The following PCNX1 variants were observed in gnomAD, a reference collection of about 807,000 sequenced individuals.
PCNX1 encodes the protein pecanex-like protein 1.
A neutral mutation model predicts 242.2 loss-of-function variants in PCNX1; 78 were observed. The ratio of observed to expected loss-of-function variants is 0.32; its 90% CI spans 0.27 to 0.39. PCNX1 has a LOEUF of 0.39. Ranked by LOEUF, PCNX1 falls within the 10% of genes least tolerant of loss-of-function variation. The pLI is 1.00. For missense variants in PCNX1, 2,581 were observed against 2,856.5 expected (o/e 0.90, Z 2.20); for synonymous variants, 1,024 against 1,032.9 (o/e 0.99, Z 0.17).
At chr14:70,911,466 T>A (rs1300278291) in intron 1 of PCNX1, among the ~76,000 whole-genome samples, 1 of 152,134 alleles carries the variant, frequency 6.6e-6, no homozygotes, top group African/African-American at 2.4e-5. Flanking sequence ...AAGAAAAAAT[T>A]TTTGTTTCTT....
In PCNX1 at chr14:71,067,505, C is replaced by A. The variant is rs1009416094; in HGVS notation, c.4853-6040C>A. Among the ~76,000 whole-genome samples the A allele has an allele frequency of 5.9e-5, 9 of 152,054 alleles. No homozygotes were observed. In the East Asian group the frequency reaches 1.7e-3, roughly 29 times the overall value. The stretch of plus-strand genomic sequence containing the variant: ...TGTCCATTTGATTCTGCTCTCTTTT[C>A]TTCATTTGTCTGACTATTGTTCTAT... On this transcript the variant is annotated intron_variant, in intron 26 of 35. Transcript: ENST00000304743.
intron 26 of PCNX1, among the ~76,000 whole-genome samples, chr14:71,067,451 G>A (rs755829507): frequency 3.9e-5 from 6 of 151,934 alleles, no homozygotes; most frequent in East Asian, 1.9e-4. Flanking sequence ...CTGTGGGATC[G>A]GTGGTGATAT....
chr14:71,014,066 A>G (rs768753590), intron 11 of PCNX1, among the ~76,000 whole-genome samples: 3 of 152,226 alleles, frequency 2.0e-5, no homozygotes, highest in Non-Finnish European at 2.9e-5. Context: ...GGAACAGAGG[A>G]ACAGTTCCTG....
chr14:71,108,293 T>C (rs2062678524), intron 33 of PCNX1, among the ~76,000 whole-genome samples: 1 of 152,242 alleles, frequency 6.6e-6, no homozygotes. Flanking sequence ...AAACATATTT[T>C]AGGATTTATC....
At chr14:70,946,111 C>T (rs2057447084) in intron 1 of PCNX1, among the ~76,000 whole-genome samples, 1 of 152,218 alleles carries the variant, frequency 6.6e-6, no homozygotes, top group African/African-American at 2.4e-5. Context: ...GGATGTTTGG[C>T]TGACTTATTT....
At chr14:70,986,932 A>G (rs970753577) in intron 6 of PCNX1, among the ~76,000 whole-genome samples, 1 of 152,252 alleles carries the variant, frequency 6.6e-6, no homozygotes, top group African/African-American at 2.4e-5. Flanking sequence ...GAGTTTTAAA[A>G]TAGTGATTTA....
At chr14:71,071,410 A>C (rs1309213556) in intron 26 of PCNX1, among the ~76,000 whole-genome samples, 2 of 152,058 alleles carry the variant, frequency 1.3e-5, no homozygotes, top group African/African-American at 4.8e-5. Context: ...CCCTGCCCAA[A>C]TCTCATGTTG....
In PCNX1 at chr14:70,938,668, C is replaced by A. The variant is rs146567358; in HGVS notation, c.154-8247C>A. 8.5e-3 allele frequency among the ~76,000 whole-genome samples: 1,293 copies of A among 152,280 alleles called. 26 individuals are homozygous for A. The highest frequency in any genetic ancestry group is 0.029 in the African/African-American group (1,219 of 41,544). On this transcript the variant is annotated intron_variant, in intron 1 of 35. Coordinates refer to ENST00000304743, the MANE Select transcript of PCNX1 (RefSeq NM_014982.3). ...TAAAATGAGTTAGGGAGGATTCTCTCTTTTTCTATTGATTGGAATAGTTTC... is the reference window on the plus strand; with the variant it reads ...TAAAATGAGTTAGGGAGGATTCTCTATTTTTCTATTGATTGGAATAGTTTC...
chr14:70,932,126 TCAAAAA>T (rs1003097730), intron 1 of PCNX1, among the ~76,000 whole-genome samples: 1 of 152,154 alleles, frequency 6.6e-6, no homozygotes, highest in Non-Finnish European at 1.5e-5. Flanking sequence ...AAACTCCATC[TCAAAAA>T]CAAAAACAAA....
At chr14:71,018,866 T>A in intron 11 of PCNX1, 143 bp from the exon 12 acceptor site, 1 of 608,870 alleles carries the variant, frequency 1.6e-6, no homozygotes, top group Non-Finnish European at 2.8e-6. Flanking sequence ...TTCAGTATGA[T>A]CTAAAACCTT....
chr14:70,993,231 C>T lies in PCNX1; in HGVS notation c.2445-2510C>T, dbSNP rs1482716710. Among the ~76,000 whole-genome samples, 4 of 151,730 alleles carry T rather than the reference C, an allele frequency of 2.6e-5. No individual in the cohort carries two copies. In the East Asian group the frequency reaches 7.7e-4, roughly 29 times the overall value. ...CGCCTCCCGGGTTCACGCCATTCTCCTGCCTCAGCCTCCCTAGTAGCTGGG... is the reference window on the plus strand; with the variant it reads ...CGCCTCCCGGGTTCACGCCATTCTCTTGCCTCAGCCTCCCTAGTAGCTGGG... On this transcript the variant is annotated intron_variant, in intron 7 of 35. Transcript: ENST00000304743.
At position 71,112,879 on chromosome 14, in the gene PCNX1, G is replaced by C. The variant is rs1169565895; in HGVS notation, c.*2944G>C. ...CCGCCACCCCCTCTTTTGAGAGAAA[G>C]GTAATCGTGGAATGAGTTATAAATT... On this transcript the variant is annotated 3_prime_UTR_variant, in exon 36 of 36. Transcript: ENST00000304743. 1.3e-5 allele frequency: 2 copies of C among 152,056 alleles called. No individual in the cohort carries two copies. The highest frequency in any genetic ancestry group is 2.9e-5 in the Non-Finnish European group (2 of 67,968). 9.4% of individuals were successfully genotyped at this position (152,056 alleles called of 1,614,324 possible).
chr14:70,995,901 G>C lies in PCNX1; in HGVS notation c.2605G>C (p.Gly869Arg), dbSNP rs755551924. 15 of 1,613,768 alleles carry C rather than the reference G, an allele frequency of 9.3e-6. No individual in the cohort carries two copies. The change falls in exon 8 of 36, where the codon GGT becomes CGT. Residue 869 changes from glycine (G) to arginine (R), a missense_variant. This residue lies in a region of PCNX1 where 1,204 missense variants were observed against 1,216.7 expected (regional missense o/e 0.99). Transcript: ENST00000304743. ...ASHDNASAVGGSSLHDELGKF... is the reference protein window; with the variant it reads ...ASHDNASAVGRSSLHDELGKF... The stretch of plus-strand genomic sequence containing the variant: ...ACATGACAATGCATCTGCTGTAGGC[G>C]GTAGCAGTTTGCACGATGAACTTGG...
At chr14:71,032,105 G>A (rs966589502) in intron 16 of PCNX1, 38 of 601,950 alleles carry the variant, frequency 6.3e-5, no homozygotes, top group Non-Finnish European at 9.6e-5. Flanking sequence ...GAGAAAGCAG[G>A]TCGCTCAAGA....
At chr14:71,076,911 G>A (rs776050400) in intron 28 of PCNX1, among the ~76,000 whole-genome samples, 1 of 152,222 alleles carries the variant, frequency 6.6e-6, no homozygotes, top group African/African-American at 2.4e-5. Flanking sequence ...AAGCCGAATT[G>A]TAAATTTTAT....
At chr14:71,046,171 A>G (rs1385903624) in intron 20 of PCNX1, among the ~76,000 whole-genome samples, 1 of 152,112 alleles carries the variant, frequency 6.6e-6, no homozygotes, top group Non-Finnish European at 1.5e-5. Flanking sequence ...CTGCATAAGA[A>G]TCTTTATTGG....
At chr14:71,079,819 G>A (rs2061807290) in intron 28 of PCNX1, among the ~76,000 whole-genome samples, 1 of 152,018 alleles carries the variant, frequency 6.6e-6, no homozygotes, top group Admixed American at 6.6e-5. Context: ...CATTCTGTAG[G>A]TTGCCTGTTC....
intron 1 of PCNX1, among the ~76,000 whole-genome samples, chr14:70,927,606 G>A (rs2056640527): frequency 6.8e-6 from 1 of 146,006 alleles, no homozygotes; most frequent in East Asian, 2.0e-4. Flanking sequence ...ATTTTTTTCT[G>A]GGAGGCAGTG....
chr14:70,945,284 A>G (rs952047363), intron 1 of PCNX1, among the ~76,000 whole-genome samples: 2 of 152,222 alleles, frequency 1.3e-5, no homozygotes, highest in Non-Finnish European at 2.9e-5. Context: ...AATATCATAC[A>G]GGTACTCAAC....
Sources: gnomAD v4.1 joint callset for allele counts (sites outside exome capture counted in the v4.1 genomes callset) on GRCh38, gnomAD v4.1.1 for gene constraint, gnomAD v4.1.1 regional missense constraint, MANE v1.5 for transcripts, NCBI Gene and HGNC (gene_info 2026-07-23, HGNC 2026-07-21) for gene names.